Variants in GRID1 observed in about 807,000 individuals in gnomAD.
GRID1 encodes glutamate ionotropic receptor delta type subunit 1.
In GRID1, 28 loss-of-function variants were observed where a neutral mutation model predicts 98.0. The observed-to-expected ratio is 0.29, with a 90% CI of 0.21 to 0.39. The LOEUF is 0.39. Ranked by LOEUF, GRID1 falls within the 10% of genes least tolerant of loss-of-function variation. The pLI is 1.00. For synonymous variants in GRID1, 553 were observed against 538.5 expected, an observed-to-expected ratio of 1.03 and a Z score of -0.37; for missense variants, 1,111 against 1,340.5, an observed-to-expected ratio of 0.83 and a Z score of 2.67.
intron 12 of GRID1, among the ~76,000 whole-genome samples, chr10:85,649,352 TAAC>T (rs1225925422): frequency 6.6e-6 from 1 of 152,164 alleles, no homozygotes; most frequent in African/African-American, 2.4e-5. Flanking sequence ...AAACATAAAA[TAAC>T]AAATTCGATG....
chr10:86,208,615 A>G (rs544519581), intron 2 of GRID1, among the ~76,000 whole-genome samples: 1 of 152,282 alleles, frequency 6.6e-6, no homozygotes, highest in South Asian at 2.1e-4. Flanking sequence ...AGACTGGCTC[A>G]TAACCCTTGT....
At chr10:85,770,575 GA>G (rs1055411090) in intron 8 of GRID1, among the ~76,000 whole-genome samples, 1 of 152,034 alleles carries the variant, frequency 6.6e-6, no homozygotes, top group Non-Finnish European at 1.5e-5. Context: ...TGAAAACTTT[GA>G]AAAAAACTTA....
At chr10:85,703,199 G>T (rs4027581) in intron 12 of GRID1, among the ~76,000 whole-genome samples, 7,789 of 152,026 alleles carry the variant, frequency 0.051, 246 homozygotes, top group East Asian at 0.098. Context: ...ATGTATAAAG[G>T]CAACAGAAAA....
intron 4 of GRID1, among the ~76,000 whole-genome samples, chr10:86,055,189 C>T (rs1395372542): frequency 3.3e-5 from 5 of 152,292 alleles, no homozygotes; most frequent in South Asian, 4.1e-4. Flanking sequence ...AGAAATAAAA[C>T]GTGGTTGTTG....
chr10:85,692,427 T>C (rs1468780020), intron 12 of GRID1, among the ~76,000 whole-genome samples: 1 of 151,910 alleles, frequency 6.6e-6, no homozygotes, highest in Admixed American at 6.6e-5. Context: ...TTTGGGAGGC[T>C]GAGGTGGGTG....
chr10:85,738,328 C>T (rs1297063004), intron 8 of GRID1, among the ~76,000 whole-genome samples: 1 of 152,108 alleles, frequency 6.6e-6, no homozygotes, highest in African/African-American at 2.4e-5. Flanking sequence ...AAAGTAAGGT[C>T]ACAAGGCAGT....
At chr10:86,207,960 A>G (rs1846057261) in intron 2 of GRID1, among the ~76,000 whole-genome samples, 1 of 152,212 alleles carries the variant, frequency 6.6e-6, no homozygotes, top group Non-Finnish European at 1.5e-5. Flanking sequence ...CAGGCTGTGA[A>G]TGGCAGCAGG....
chr10:86,173,107 G>A (rs1452082244), intron 3 of GRID1, among the ~76,000 whole-genome samples: 12 of 152,136 alleles, frequency 7.9e-5, no homozygotes, highest in African/African-American at 2.4e-4. Context: ...GCCCAATCAC[G>A]TCTCACTACA....
chr10:85,876,671 C>T (rs530475842), intron 5 of GRID1, among the ~76,000 whole-genome samples: 4 of 152,282 alleles, frequency 2.6e-5, no homozygotes, highest in African/African-American at 9.6e-5. Context: ...CAGCTCCCAG[C>T]GTGAGTGACA....
chr10:85,901,334 C>T (rs1054313654), intron 5 of GRID1, among the ~76,000 whole-genome samples: 6 of 151,956 alleles, frequency 3.9e-5, no homozygotes, highest in African/African-American at 1.5e-4. Flanking sequence ...CCAAGCTCTG[C>T]CTCATGGGTT....
intron 8 of GRID1, among the ~76,000 whole-genome samples, chr10:85,763,913 A>T (rs1842172662): frequency 6.6e-6 from 1 of 152,144 alleles, no homozygotes. Flanking sequence ...CTGTGTGGGG[A>T]GGCAGATGAA....
chr10:86,161,420 C>A (rs895172941), intron 3 of GRID1, among the ~76,000 whole-genome samples: 2 of 152,132 alleles, frequency 1.3e-5, no homozygotes, highest in African/African-American at 2.4e-5. Flanking sequence ...ACGAAGCTCC[C>A]ACCTGGTGCC....
chr10:86,026,534 T>C (rs1229414785), intron 4 of GRID1, among the ~76,000 whole-genome samples: 13 of 152,236 alleles, frequency 8.5e-5, no homozygotes, highest in Admixed American at 8.5e-4. Flanking sequence ...CCACTGGTGC[T>C]GGCTGTCAAA....
intron 4 of GRID1, among the ~76,000 whole-genome samples, chr10:85,999,085 C>G (rs536835899): frequency 6.6e-6 from 1 of 151,862 alleles, no homozygotes; most frequent in Non-Finnish European, 1.5e-5. Context: ...TGGTGGTGCA[C>G]GTCTATAACC....
chr10:85,693,922 G>T (rs953265915), intron 12 of GRID1, among the ~76,000 whole-genome samples: 17 of 152,088 alleles, frequency 1.1e-4, no homozygotes, highest in Non-Finnish European at 5.9e-5. Context: ...ATCAAAAGTA[G>T]ACAAATGGGA....
At chr10:85,629,638 C>T (rs968340914) in intron 13 of GRID1, among the ~76,000 whole-genome samples, 4 of 152,202 alleles carry the variant, frequency 2.6e-5, no homozygotes, top group Non-Finnish European at 4.4e-5. Flanking sequence ...ATCCAATCAA[C>T]AGATTGATTT....
chr10:86,047,367 T>C (rs1843438163), intron 4 of GRID1, among the ~76,000 whole-genome samples: 2 of 152,218 alleles, frequency 1.3e-5, no homozygotes, highest in Non-Finnish European at 2.9e-5. Flanking sequence ...AATCACTTAT[T>C]CTGCTTTAGG....
chr10:86,199,054 T>C (rs1381340962), intron 3 of GRID1, among the ~76,000 whole-genome samples: 1 of 152,152 alleles, frequency 6.6e-6, no homozygotes, highest in Non-Finnish European at 1.5e-5. Flanking sequence ...TACTCATTTA[T>C]TTTTTGCACT....
At chr10:85,659,019 C>T (rs1840934695) in intron 12 of GRID1, among the ~76,000 whole-genome samples, 1 of 152,134 alleles carries the variant, frequency 6.6e-6, no homozygotes. Flanking sequence ...GATAAGCTAT[C>T]GATGTTCCCT....
Sources: gnomAD v4.1 joint callset for allele counts (sites outside exome capture counted in the v4.1 genomes callset) on GRCh38, gnomAD v4.1.1 for gene constraint, MANE v1.5 for transcripts, NCBI Gene and HGNC (gene_info 2026-07-23, HGNC 2026-07-21) for gene names.